KAZN: variants seen among roughly 807,000 people sequenced by gnomAD.
KAZN encodes the protein kazrin.
KAZN carries 40 observed loss-of-function variants against 87.4 expected under a neutral mutation model. The ratio of observed to expected loss-of-function variants is 0.46; its 90% CI spans 0.36 to 0.60. The LOEUF is 0.60. KAZN is among the 20% of genes least tolerant of loss of function. The probability of loss-of-function intolerance (pLI) is 0.00; values close to 1 mark genes in which losing one functional copy is unlikely to be tolerated. For missense variants in KAZN, 898 were observed against 1,073.9 expected, an observed-to-expected ratio of 0.84 and a Z score of 2.29; for synonymous variants, 466 against 458.3, an observed-to-expected ratio of 1.02 and a Z score of -0.22.
At chr1:15,110,549 T>TTTTGTGTGTGTGTG (rs138391066) in intron 13 of KAZN, among the ~76,000 whole-genome samples, 12 of 148,074 alleles carry the variant, frequency 8.1e-5, no homozygotes, top group Admixed American at 3.3e-4. Context: ...GCATATGTGT[T>TTTTGTGTGTGTGTG]TGTGTGTGTG....
At chr1:14,778,383 T>G (rs1645238421) in intron 1 of KAZN, among the ~76,000 whole-genome samples, 1 of 123,074 alleles carries the variant, frequency 8.1e-6, no homozygotes, top group Non-Finnish European at 1.7e-5. Context: ...GCTTTCTGTT[T>G]AACCCTTAAG....
chr1:14,773,353 C>T lies in KAZN; in HGVS notation c.226+174130C>T, dbSNP rs953553432. 6.6e-6 allele frequency among the ~76,000 whole-genome samples: 1 copy of T among 152,128 alleles called. No homozygotes were observed. The highest frequency in any genetic ancestry group is 1.5e-5 in the Non-Finnish European group (1 of 68,022). On this transcript the variant is annotated intron_variant, in intron 1 of 14. Coordinates refer to ENST00000376030, the MANE Select transcript of KAZN (RefSeq NM_201628.3). This position sits in a 1 kb window ranked among gnomAD's most constrained non-coding sequence, Gnocchi z 5.9. ...CAATCCACCTCCCACCTCACCTGCC[C>T]ACGATGCCATTGCTTCAAATGGCTT...
intron 2 of KAZN, among the ~76,000 whole-genome samples, chr1:14,979,971 C>T (rs1666067451): frequency 6.6e-6 from 1 of 152,200 alleles, no homozygotes; most frequent in Admixed American, 6.5e-5. Context: ...GCACTGCAAC[C>T]TCCACCTCCT....
intron 2 of KAZN, among the ~76,000 whole-genome samples, chr1:14,218,101 A>G (rs1352443395): frequency 6.6e-6 from 1 of 152,130 alleles, no homozygotes; most frequent in Non-Finnish European, 1.5e-5. Flanking sequence ...ATATATTTAT[A>G]GTAGAAGAAT....
chr1:13,970,513 C>T lies in KAZN; in HGVS notation c.91+76757C>T, dbSNP rs116145854. Among the ~76,000 whole-genome samples, 140 of 152,298 alleles carry T rather than the reference C, an allele frequency of 9.2e-4. 1 individual carries two copies. The highest frequency in any genetic ancestry group is 3.2e-3 in the African/African-American group (132 of 41,580). On this transcript the variant is annotated intron_variant, in intron 1 of 16. Coordinates refer to the KAZN transcript ENST00000636203. ...GAACCCTGAGGGTCTGACTTGCAAA[C>T]GTTCACTCATTAATAATGAAAAAGG...
intron 1 of KAZN, among the ~76,000 whole-genome samples, chr1:13,971,866 G>C (rs1457934677): frequency 6.6e-6 from 1 of 152,076 alleles, no homozygotes; most frequent in African/African-American, 2.4e-5. Flanking sequence ...CCTCCCTCTT[G>C]CTCCTGCTTC....
At chr1:14,981,109 C>T (rs77647763) in intron 2 of KAZN, among the ~76,000 whole-genome samples, 659 of 152,230 alleles carry the variant, frequency 4.3e-3, no homozygotes, top group Non-Finnish European at 7.3e-3. Context: ...GCCAGGAAAA[C>T]GTGCTTGCTC....
At chr1:14,257,632 T>C (rs1181149381) in intron 2 of KAZN, among the ~76,000 whole-genome samples, 2 of 149,350 alleles carry the variant, frequency 1.3e-5, no homozygotes, top group Non-Finnish European at 3.0e-5. Flanking sequence ...TAATCCATCT[T>C]GAATTGATTT....
At chr1:13,940,137 A>AATGGTTTC (rs1048280579) in intron 1 of KAZN, among the ~76,000 whole-genome samples, 2 of 152,084 alleles carry the variant, frequency 1.3e-5, no homozygotes, top group Admixed American at 1.3e-4. Context: ...TTAGGGTGTT[A>AATGGTTTC]ATGGTTTCAT....
At chr1:14,754,351 G>A (rs1243690947) in intron 1 of KAZN, among the ~76,000 whole-genome samples, 1 of 152,192 alleles carries the variant, frequency 6.6e-6, no homozygotes, top group African/African-American at 2.4e-5. Flanking sequence ...CAAATCCATG[G>A]GCCGGATGTG....
At chr1:14,007,943 C>T (rs566821317) in intron 1 of KAZN, among the ~76,000 whole-genome samples, 23 of 152,268 alleles carry the variant, frequency 1.5e-4, no homozygotes, top group African/African-American at 4.6e-4. Flanking sequence ...GGTTCAGTTA[C>T]GTCCTTTTGG....
chr1:14,218,383 A>T (rs538202827), intron 2 of KAZN, among the ~76,000 whole-genome samples: 1 of 152,300 alleles, frequency 6.6e-6, no homozygotes, highest in Admixed American at 6.5e-5. Context: ...TAGGACCCAG[A>T]TTATGATCTT....
intron 1 of KAZN, among the ~76,000 whole-genome samples, chr1:14,029,326 T>C (rs1303333605): frequency 1.5e-5 from 1 of 65,360 alleles, no homozygotes; most frequent in African/African-American, 6.2e-5. Context: ...GGGTTGTTTG[T>C]TTTTTTCTTG....
intron 2 of KAZN, among the ~76,000 whole-genome samples, chr1:14,967,022 T>G (rs995730777): frequency 6.6e-6 from 1 of 152,128 alleles, no homozygotes; most frequent in African/African-American, 2.4e-5. Context: ...AGAAGACTAG[T>G]CTGCACATGG....
intron 2 of KAZN, among the ~76,000 whole-genome samples, chr1:14,417,403 G>A (rs999317349): frequency 1.3e-5 from 2 of 152,164 alleles, no homozygotes; most frequent in Non-Finnish European, 2.9e-5. Flanking sequence ...TGGAAGGAAA[G>A]ATACTTAATT....
At chr1:13,971,910 T>C (rs996699196) in intron 1 of KAZN, among the ~76,000 whole-genome samples, 1 of 152,124 alleles carries the variant, frequency 6.6e-6, no homozygotes, top group Non-Finnish European at 1.5e-5. Context: ...CCCTTTGCCT[T>C]CCACCATAAT....
At chr1:14,924,230 G>A (rs749786360) in intron 1 of KAZN, 487 of 981,436 alleles carry the variant, frequency 5.0e-4, no homozygotes, top group Non-Finnish European at 5.6e-4. Flanking sequence ...TCCGGCGCGC[G>A]CCGCCGGCCG....
At chr1:14,675,638 C>G (rs756262954) in intron 1 of KAZN, among the ~76,000 whole-genome samples, 2 of 152,172 alleles carry the variant, frequency 1.3e-5, no homozygotes, top group African/African-American at 4.8e-5. Context: ...TATTACCCAT[C>G]TCCATCATTA....
chr1:14,436,427 C>G (rs116515182), intron 2 of KAZN, among the ~76,000 whole-genome samples: 4,582 of 152,060 alleles, frequency 0.03, 79 homozygotes, highest in African/African-American at 0.043. Context: ...TTGTGCCAGG[C>G]ACTGATATGC....
Sources: gnomAD v4.1 joint callset for allele counts (sites outside exome capture counted in the v4.1 genomes callset) on GRCh38, gnomAD v4.1.1 for gene constraint, Gnocchi (gnomAD v3.1) non-coding constraint, MANE v1.5 for transcripts, NCBI Gene and HGNC (gene_info 2026-07-23, HGNC 2026-07-21) for gene names.